Variants in CFH observed in about 807,000 individuals in gnomAD.
CFH encodes the protein complement factor H, also known as H factor 1 (complement).
A neutral mutation model predicts 147.3 loss-of-function variants in CFH; 53 were observed. That is an observed-to-expected ratio of 0.36 (90% CI 0.29 to 0.45). The LOEUF (loss-of-function observed/expected upper bound fraction) is 0.45. Ranked by LOEUF, CFH falls within the 20% of genes least tolerant of loss-of-function variation. The pLI, the probability that CFH is intolerant of heterozygous loss-of-function variation, is 1.00. For synonymous variants in CFH, 536 were observed against 489.4 expected (o/e 1.10, Z -1.26); for missense variants, 1,380 against 1,498.0 (o/e 0.92, Z 1.30).
At chr1:196,662,893 A>G (rs535537590) in intron 1 of CFH, among the ~76,000 whole-genome samples, 1 of 152,180 alleles carries the variant, frequency 6.6e-6, no homozygotes, top group Admixed American at 6.5e-5. Flanking sequence ...AAATAAAATA[A>G]ATTTTATGAA....
At chr1:196,738,009 GA>G (rs1558183552) in intron 17 of CFH, among the ~76,000 whole-genome samples, 1 of 152,102 alleles carries the variant, frequency 6.6e-6, no homozygotes, top group African/African-American at 2.4e-5. Flanking sequence ...GAGGTCTTAG[GA>G]AACTTACAAT....
intron 9 of CFH, chr1:196,701,488 G>A: frequency 1.7e-6 from 2 of 1,153,116 alleles, no homozygotes; most frequent in Non-Finnish European, 2.5e-6. Flanking sequence ...GCCAGAATGG[G>A]AAATGCTAAT....
At chr1:196,714,952 C>T (rs2149103297) in intron 10 of CFH, among the ~76,000 whole-genome samples, 1 of 151,494 alleles carries the variant, frequency 6.6e-6, no homozygotes, top group South Asian at 2.1e-4. Context: ...CCTCCTGCCT[C>T]TCAGTAATAT....
At chr1:196,688,625 T>C (rs1184022976) in intron 7 of CFH, among the ~76,000 whole-genome samples, 1 of 152,158 alleles carries the variant, frequency 6.6e-6, no homozygotes, top group African/African-American at 2.4e-5. Context: ...TATTTATATT[T>C]TTCGAGATGG....
At chr1:196,681,381 C>A (rs1313733551) in intron 6 of CFH, among the ~76,000 whole-genome samples, 4 of 151,402 alleles carry the variant, frequency 2.6e-5, no homozygotes, top group Non-Finnish European at 4.4e-5. Context: ...TTCCTTAGCA[C>A]ATATTTGTTT....
At chr1:196,676,748 G>C (rs1368949513) in intron 4 of CFH, among the ~76,000 whole-genome samples, 1 of 152,084 alleles carries the variant, frequency 6.6e-6, no homozygotes, top group Non-Finnish European at 1.5e-5. Context: ...GTCAACTACA[G>C]AAAATAATGG....
intron 6 of CFH, among the ~76,000 whole-genome samples, chr1:196,684,319 G>A (rs918746114): frequency 1.3e-5 from 2 of 152,016 alleles, no homozygotes; most frequent in East Asian, 1.9e-4. Flanking sequence ...GGCCCTTTAC[G>A]GAAAAGGTTT....
chr1:196,703,712 C>T (rs532927728), intron 9 of CFH, among the ~76,000 whole-genome samples: 19 of 152,008 alleles, frequency 1.2e-4, no homozygotes, highest in African/African-American at 3.9e-4. Flanking sequence ...TTGCTGGGCG[C>T]GGTGGCTCAC....
At chr1:196,673,488 C>T in intron 2 of CFH, 1 of 378,572 alleles carries the variant, frequency 2.6e-6, no homozygotes, top group Admixed American at 4.0e-5. Context: ...AGGCACGTGC[C>T]ACCACGCCCG....
intron 3 of CFH, among the ~76,000 whole-genome samples, chr1:196,675,769 G>A (rs1434914158): frequency 6.6e-6 from 1 of 151,958 alleles, no homozygotes; most frequent in African/African-American, 2.4e-5. Flanking sequence ...GAAAATTAGA[G>A]GAAGAAGATT....
At chr1:196,733,743 A>G (rs2149111647) in intron 15 of CFH, among the ~76,000 whole-genome samples, 1 of 152,118 alleles carries the variant, frequency 6.6e-6, no homozygotes, top group East Asian at 1.9e-4. Context: ...GTGTGGACAA[A>G]CTTGTTCTAA....
chr1:196,670,567 A>G (rs193229719), intron 1 of CFH, among the ~76,000 whole-genome samples: 1 of 152,302 alleles, frequency 6.6e-6, no homozygotes, highest in East Asian at 1.9e-4. Context: ...TCTTGCCATC[A>G]TGTGAAGAGG....
intron 5 of CFH, chr1:196,679,410 C>T: frequency 2.4e-6 from 1 of 412,534 alleles, no homozygotes; most frequent in Non-Finnish European, 4.4e-6. Flanking sequence ...CTAATTTATC[C>T]TGAAACTAAA....
At chr1:196,742,326 A>G (rs1652835731) in intron 19 of CFH, among the ~76,000 whole-genome samples, 2 of 152,346 alleles carry the variant, frequency 1.3e-5, no homozygotes, top group South Asian at 4.1e-4. Flanking sequence ...AAGTGGGCCA[A>G]GATCGTGCCA....
chr1:196,663,249 A>T (rs1197257147), intron 1 of CFH, among the ~76,000 whole-genome samples: 1 of 152,032 alleles, frequency 6.6e-6, no homozygotes, highest in African/African-American at 2.4e-5. Flanking sequence ...CTCTTAGCTC[A>T]TCTTGTGTAT....
intron 14 of CFH, 99 bp downstream of exon 14, chr1:196,727,039 TC>T: frequency 5.7e-6 from 6 of 1,054,540 alleles, no homozygotes; most frequent in Non-Finnish European, 8.8e-6. Context: ...CAGATATGCC[TC>T]AACATTTCCA....
rs150713392 is a variant in CFH at position 196,740,443 on chromosome 1, C to T, written c.2783-176C>T. Among the ~76,000 whole-genome samples, 4 of 152,116 alleles carry T rather than the reference C, an allele frequency of 2.6e-5. No individual in the cohort carries two copies. In the East Asian group the frequency reaches 5.8e-4, roughly 22 times the overall value. ...AGTCCTTCTTCAGTTGGTGACAGTCCGATAGACAGACAGACACCAGAAGGC... is the reference window on the plus strand; with the variant it reads ...AGTCCTTCTTCAGTTGGTGACAGTCTGATAGACAGACAGACACCAGAAGGC... On this transcript the variant is annotated intron_variant, in intron 17 of 21. Transcript: ENST00000367429.
In CFH at chr1:196,679,756, C is replaced by T; in HGVS notation, c.753C>T (p.Cys251=). 1.9e-6 allele frequency: 3 copies of T among 1,611,552 alleles called. No homozygotes were observed. Among genetic ancestry groups the T allele is most frequent in the Non-Finnish European group, 2.5e-6 (3 of 1,178,414 alleles). Residue 251 remains cysteine (C), a synonymous_variant, in exon 6 of 22, where the codon TGC becomes TGT. Coordinates refer to ENST00000367429, the MANE Select transcript of CFH (RefSeq NM_000186.4). ...YEYSERGDAV[C]TESGWRPLPS... ...ACAGTGAAAGAGGAGATGCTGTATG[C>T]ACTGAATCTGGATGGCGTCCGTTGC... is the stretch of plus-strand genomic sequence containing the variant.
At chr1:196,737,067 C>A in intron 16 of CFH, 61 bp downstream of exon 16, 1 of 1,396,626 alleles carries the variant, frequency 7.2e-7, no homozygotes, top group Non-Finnish European at 1.0e-6. Flanking sequence ...TTCTCTTGTG[C>A]TTCGTGTAAA....
Sources: gnomAD v4.1 joint callset for allele counts (sites outside exome capture counted in the v4.1 genomes callset) on GRCh38, gnomAD v4.1.1 for gene constraint, MANE v1.5 for transcripts, NCBI Gene and HGNC (gene_info 2026-07-23, HGNC 2026-07-21) for gene names.